The following CDC42BPA variants were observed in gnomAD, a reference collection of about 807,000 sequenced individuals.
CDC42BPA encodes the protein CDC42 binding protein kinase alpha.
A neutral mutation model predicts 223.5 loss-of-function variants in CDC42BPA; 80 were observed. The ratio of observed to expected loss-of-function variants is 0.36; its 90% confidence interval spans 0.30 to 0.43. CDC42BPA has a LOEUF of 0.43. CDC42BPA is among the 20% of genes least tolerant of loss of function. The pLI is 1.00. For synonymous variants in CDC42BPA, 694 were observed against 718.6 expected (o/e 0.97, Z 0.55); for missense variants, 1,743 against 2,099.9 (o/e 0.83, Z 3.32).
At position 226,992,925 on chromosome 1, in the gene CDC42BPA, C is replaced by G. The variant is rs1296977257; in HGVS notation, c.*1343G>C. On this transcript the variant is annotated 3_prime_UTR_variant, in exon 37 of 37. Coordinates refer to ENST00000366766, the MANE Select transcript of CDC42BPA (RefSeq NM_001394014.1). ...GCCAGTCGGAGCGCCGTGCTGGGCT[C>G]ACTCACTCTGGCCTGCGCACTGGGG... 1 of 152,266 alleles carries G rather than the reference C, an allele frequency of 6.6e-6. No individual in the cohort carries two copies. Among genetic ancestry groups the G allele is most frequent in the African/African-American group, 2.4e-5 (1 of 41,470 alleles). 9.4% of individuals were successfully genotyped at this position (152,266 alleles called of 1,614,324 possible).
chr1:227,310,371 GGCCC>G (rs1693291835), intron 1 of CDC42BPA, among the ~76,000 whole-genome samples: 1 of 152,168 alleles, frequency 6.6e-6, no homozygotes, highest in Non-Finnish European at 1.5e-5. Flanking sequence ...AGAGTGAAGA[GGCCC>G]TAATCCCAAA....
At chr1:227,239,764 A>C (rs772531819) in intron 2 of CDC42BPA, among the ~76,000 whole-genome samples, 2 of 152,156 alleles carry the variant, frequency 1.3e-5, no homozygotes, top group Non-Finnish European at 2.9e-5. Flanking sequence ...CAATATCTTC[A>C]ATCAGATAAA....
chr1:227,042,336 A>G, intron 23 of CDC42BPA, among the ~76,000 whole-genome samples: 1 of 147,436 alleles, frequency 6.8e-6, no homozygotes, highest in Non-Finnish European at 1.5e-5. Context: ...CTCTCCAGCA[A>G]GAGATCTATT....
intron 19 of CDC42BPA, among the ~76,000 whole-genome samples, chr1:227,072,679 A>C (rs1187407512): frequency 6.6e-6 from 1 of 152,046 alleles, no homozygotes; most frequent in Non-Finnish European, 1.5e-5. Context: ...TAATTTTAGA[A>C]TTCTGTTAGA....
At chr1:227,013,288 C>T (rs1665563793) in intron 34 of CDC42BPA, among the ~76,000 whole-genome samples, 1 of 152,028 alleles carries the variant, frequency 6.6e-6, no homozygotes, top group South Asian at 2.1e-4. Flanking sequence ...CACTAAAAAC[C>T]AAGCAGTCTA....
intron 34 of CDC42BPA, among the ~76,000 whole-genome samples, chr1:227,006,393 C>T (rs931455876): frequency 1.3e-5 from 2 of 152,198 alleles, no homozygotes; most frequent in African/African-American, 4.8e-5. Flanking sequence ...CCACTACTCA[C>T]ATCTGTGCTG....
At chr1:227,030,316 C>T (rs560821896) in intron 29 of CDC42BPA, 92 bp downstream of exon 29, 1 of 744,526 alleles carries the variant, frequency 1.3e-6, no homozygotes, top group Non-Finnish European at 2.3e-6. Context: ...TAAATAAGAG[C>T]AAATCCTGCT....
intron 15 of CDC42BPA, among the ~76,000 whole-genome samples, chr1:227,097,914 G>T (rs1320423983): frequency 6.6e-6 from 1 of 151,878 alleles, no homozygotes; most frequent in East Asian, 1.9e-4. Context: ...TAAACACCAA[G>T]TCAAAGGTTA....
In CDC42BPA at chr1:227,100,983, G is replaced by A; in HGVS notation, c.2249+9C>T. On this transcript the variant is annotated intron_variant, in intron 15 of 36. Coordinates refer to ENST00000366766, the MANE Select transcript of CDC42BPA (RefSeq NM_001394014.1). ...GTATTTACTGTATAGTAAATAATGT[G>A]ATTCTTACCTTTCTCTTCTGGTTTT... is the stretch of plus-strand genomic sequence containing the variant. The A allele has an allele frequency of 6.9e-7, 1 of 1,443,960 alleles. No individual in the cohort carries two copies. The allele number at this position is 1,443,960 out of a possible 1,614,324, so 89.4% of individuals were successfully genotyped here. A position where few individuals can be genotyped will look rare whatever the true frequency, so the allele number is the denominator to read the frequency against.
intron 11 of CDC42BPA, among the ~76,000 whole-genome samples, chr1:227,128,305 G>C (rs1185755177): frequency 6.6e-6 from 1 of 152,140 alleles, no homozygotes; most frequent in African/African-American, 2.4e-5. Context: ...CACCTTCTCA[G>C]TCAGGCCTAC....
chr1:227,069,838 T>A lies in CDC42BPA; in HGVS notation c.2843A>T (p.Asp948Val). ...LRSEKGIEHQ[D>V]SQHSFLAFLN... ...AAATGCCAAGAAAGAATGCTGTGAGTCTTGGTGCTCTATACCTAGAAGACA... is the reference window on the plus strand; with the variant it reads ...AAATGCCAAGAAAGAATGCTGTGAGACTTGGTGCTCTATACCTAGAAGACA... The change falls in exon 21 of 37, where the codon GAC becomes GTC. Residue 948 changes from aspartate to valine, a missense_variant. Transcript: ENST00000366766. 6.2e-7 allele frequency: 1 copy of A among 1,611,280 alleles called. No individual in the cohort carries two copies. The highest frequency in any genetic ancestry group is 8.5e-7 in the Non-Finnish European group (1 of 1,177,896).
intron 1 of CDC42BPA, chr1:227,264,845 C>T (rs1684708783): frequency 2.6e-6 from 4 of 1,523,866 alleles, no homozygotes; most frequent in Non-Finnish European, 3.6e-6. Context: ...CACTGTAATT[C>T]CTTCAGGTAA....
At chr1:227,105,716 T>A (rs1258823361) in intron 14 of CDC42BPA, among the ~76,000 whole-genome samples, 1 of 152,204 alleles carries the variant, frequency 6.6e-6, no homozygotes, top group Admixed American at 6.5e-5. Flanking sequence ...TCCTGTTGTG[T>A]CTGGCTTCTT....
chr1:227,019,635 C>A (rs1666994350), intron 32 of CDC42BPA, among the ~76,000 whole-genome samples: 1 of 152,128 alleles, frequency 6.6e-6, no homozygotes, highest in African/African-American at 2.4e-5. Flanking sequence ...CAAAATTACT[C>A]CTTTATCCAT....
intron 21 of CDC42BPA, among the ~76,000 whole-genome samples, chr1:227,060,022 T>TATTTTG (rs1364960865): frequency 9.4e-5 from 7 of 74,078 alleles, no homozygotes; most frequent in African/African-American, 3.8e-4. Flanking sequence ...CTCAAAAAGT[T>TATTTTG]TTTTTTTGTT....
intron 15 of CDC42BPA, among the ~76,000 whole-genome samples, chr1:227,095,677 C>T (rs1381717800): frequency 6.6e-6 from 1 of 151,114 alleles, no homozygotes; most frequent in Non-Finnish European, 1.5e-5. Context: ...CTGCAATCTC[C>T]GCCTTTCAGG....
chr1:227,174,312 T>C (rs976665361), intron 5 of CDC42BPA, among the ~76,000 whole-genome samples: 2 of 152,200 alleles, frequency 1.3e-5, no homozygotes, highest in African/African-American at 4.8e-5. Context: ...ACTGAGAGAA[T>C]TTTGAGTAAG....
chr1:227,315,036 C>T (rs755840836), intron 1 of CDC42BPA, among the ~76,000 whole-genome samples: 5 of 152,052 alleles, frequency 3.3e-5, no homozygotes, highest in African/African-American at 4.8e-5. Flanking sequence ...AACATCTGAT[C>T]TATTTCAATT....
chr1:227,204,773 A>G (rs1466050083), intron 3 of CDC42BPA, among the ~76,000 whole-genome samples: 1 of 152,166 alleles, frequency 6.6e-6, no homozygotes, highest in East Asian at 1.9e-4. Context: ...ACATGCAGAT[A>G]GATAAATGGT....
Sources: gnomAD v4.1 joint callset for allele counts (sites outside exome capture counted in the v4.1 genomes callset) on GRCh38, gnomAD v4.1.1 for gene constraint, MANE v1.5 for transcripts, NCBI Gene and HGNC (gene_info 2026-07-23, HGNC 2026-07-21) for gene names.